Variants in ANO4 observed in about 807,000 individuals in gnomAD.
ANO4 encodes anoctamin-4.
A neutral mutation model predicts 141.9 loss-of-function variants in ANO4; 69 were observed. That is an observed-to-expected ratio of 0.49 (90% confidence interval 0.40 to 0.59). The LOEUF (loss-of-function observed/expected upper bound fraction) is 0.59, where lower values mean the gene tolerates loss of function less well. Among genes scored for constraint, ANO4 ranks in the 20% least tolerant of loss-of-function variants. The pLI is 0.00. For synonymous variants in ANO4, 350 were observed against 394.3 expected (o/e 0.89, Z 1.33); for missense variants, 894 against 1,162.2 (o/e 0.77, Z 3.36).
intron 9 of ANO4, among the ~76,000 whole-genome samples, chr12:101,035,417 T>C (rs1352510092): frequency 1.3e-5 from 2 of 152,174 alleles, no homozygotes; most frequent in Non-Finnish European, 2.9e-5. Context: ...TGATAAAACT[T>C]TGGAGGCAAT....
At chr12:101,047,575 C>G (rs2136654734) in intron 13 of ANO4, among the ~76,000 whole-genome samples, 1 of 151,948 alleles carries the variant, frequency 6.6e-6, no homozygotes, top group East Asian at 1.9e-4. Flanking sequence ...TATAAAGTAC[C>G]CCCAAAAAAG....
chr12:101,065,216 T>C (rs1049120745), intron 14 of ANO4, among the ~76,000 whole-genome samples: 3 of 152,124 alleles, frequency 2.0e-5, no homozygotes, highest in Non-Finnish European at 4.4e-5. Flanking sequence ...CTTCTATGCA[T>C]GAAATTGTGA....
intron 7 of ANO4, among the ~76,000 whole-genome samples, chr12:100,978,885 C>A (rs946332028): frequency 6.6e-6 from 1 of 152,084 alleles, no homozygotes; most frequent in Non-Finnish European, 1.5e-5. Context: ...CAGTAGATTT[C>A]TTAGGTGTTG....
At chr12:101,037,237 T>C (rs2047235878) in intron 10 of ANO4, 87 bp downstream of exon 10, 1 of 1,391,860 alleles carries the variant, frequency 7.2e-7, no homozygotes. Context: ...TTGAATTTGT[T>C]GACATTTGCT....
In ANO4 at chr12:101,040,066, G is replaced by A; in HGVS notation, c.1009G>A (p.Asp337Asn). 1 of 1,607,318 alleles carries A rather than the reference G, an allele frequency of 6.2e-7. No individual in the cohort carries two copies. The highest frequency in any genetic ancestry group is 8.5e-7 in the Non-Finnish European group (1 of 1,175,434). Reference protein sequence around the residue: ...WGVWYKYQPLDLVRRYFGEKI... With the variant: ...WGVWYKYQPLNLVRRYFGEKI... ...CGTGTGGTATAAATACCAACCTTTG[G>A]ATCTTGTAAGGTGAGTTTTTAATCA... The change falls in exon 11 of 28, where the codon GAT becomes AAT. Residue 337 changes from aspartate (D) to asparagine (N), a missense_variant. Physicochemically the swap from Asp to Asn is conservative, Grantham distance 23. Coordinates refer to ENST00000392977, the MANE Select transcript of ANO4 (RefSeq NM_001286615.2).
chr12:100,769,158 A>G (rs1256735278), intron 3 of ANO4, among the ~76,000 whole-genome samples: 1 of 152,232 alleles, frequency 6.6e-6, no homozygotes, highest in Non-Finnish European at 1.5e-5. Flanking sequence ...GATTTTTGAA[A>G]TCATTTTTTG....
At chr12:100,823,830 C>A (rs2036186078) in intron 1 of ANO4, among the ~76,000 whole-genome samples, 1 of 151,952 alleles carries the variant, frequency 6.6e-6, no homozygotes, top group Non-Finnish European at 1.5e-5. Flanking sequence ...GGAGAAGGAG[C>A]TATTATCTAT....
intron 1 of ANO4, among the ~76,000 whole-genome samples, chr12:100,726,926 A>C (rs1243914905): frequency 6.6e-6 from 1 of 152,054 alleles, no homozygotes; most frequent in East Asian, 1.9e-4. Flanking sequence ...CACACAGAAA[A>C]GTGCAGATAA....
chr12:100,876,455 T>C (rs1430875984), intron 1 of ANO4, among the ~76,000 whole-genome samples: 1 of 152,150 alleles, frequency 6.6e-6, no homozygotes, highest in East Asian at 1.9e-4. Context: ...AATGGGATGA[T>C]AGCTGGAAGG....
At chr12:101,069,358 A>G in intron 14 of ANO4, 1 of 588,920 alleles carries the variant, frequency 1.7e-6, no homozygotes, top group East Asian at 2.9e-5. Context: ...GTGAATAAAT[A>G]TTTTGATTTC....
chr12:100,876,865 AT>A (rs1430652402), intron 1 of ANO4, among the ~76,000 whole-genome samples: 1 of 152,192 alleles, frequency 6.6e-6, no homozygotes, highest in Non-Finnish European at 1.5e-5. Flanking sequence ...GCTATGTAAT[AT>A]GTTTTGAAAT....
chr12:100,882,529 C>T (rs1007072226), intron 1 of ANO4, among the ~76,000 whole-genome samples: 3 of 152,000 alleles, frequency 2.0e-5, no homozygotes, highest in Admixed American at 2.0e-4. Context: ...CAGTCTGGCT[C>T]CTGAGTTCAT....
At chr12:100,898,059 C>T (rs2040425943) in intron 1 of ANO4, among the ~76,000 whole-genome samples, 1 of 152,204 alleles carries the variant, frequency 6.6e-6, no homozygotes, top group Admixed American at 6.5e-5. Flanking sequence ...TGTTGTGTGA[C>T]CTTGGTCAAG....
At chr12:101,056,289 T>C (rs940520754) in intron 14 of ANO4, among the ~76,000 whole-genome samples, 2 of 152,180 alleles carry the variant, frequency 1.3e-5, no homozygotes, top group Non-Finnish European at 2.9e-5. Flanking sequence ...TGTCTTATTA[T>C]TTTCAATGTA....
At chr12:100,957,554 A>G (rs1020705949) in intron 5 of ANO4, among the ~76,000 whole-genome samples, 8 of 152,226 alleles carry the variant, frequency 5.3e-5, no homozygotes, top group African/African-American at 1.9e-4. Context: ...GACTGTGATA[A>G]TAAGCCTGCT....
At position 101,128,031 on chromosome 12, in the gene ANO4, G is replaced by A. The variant is rs1005378133; in HGVS notation, c.*175G>A. 6 of 152,640 alleles carry A rather than the reference G, an allele frequency of 3.9e-5. No individual in the cohort carries two copies. The highest frequency in any genetic ancestry group is 1.4e-4 in the African/African-American group (6 of 41,460). 9.5% of individuals were successfully genotyped at this position (152,640 alleles called of 1,614,324 possible). On this transcript the variant is annotated 3_prime_UTR_variant, in exon 28 of 28. Transcript: ENST00000392977. Reference sequence around the variant, plus strand: ...GGACTGGCGTTGGAGTCACACTGCTGTGAAATCACGTTGCAGTCCAGCGCA... The same window carrying A: ...GGACTGGCGTTGGAGTCACACTGCTATGAAATCACGTTGCAGTCCAGCGCA...
chr12:101,089,331 G>T (rs774463969), intron 17 of ANO4, among the ~76,000 whole-genome samples: 2 of 151,828 alleles, frequency 1.3e-5, no homozygotes, highest in African/African-American at 2.4e-5. Flanking sequence ...TATTATTTTA[G>T]GAAAAAAGTT....
At chr12:100,767,347 C>T (rs1372144363) in intron 3 of ANO4, among the ~76,000 whole-genome samples, 1 of 151,848 alleles carries the variant, frequency 6.6e-6, no homozygotes, top group Non-Finnish European at 1.5e-5. Context: ...ACTTTGATTC[C>T]TTTTTTCATG....
intron 14 of ANO4, among the ~76,000 whole-genome samples, chr12:101,064,522 G>A (rs542875153): frequency 6.6e-6 from 1 of 152,176 alleles, no homozygotes; most frequent in East Asian, 1.9e-4. Flanking sequence ...GTTGATGGGT[G>A]GGAGGCTAGG....
Sources: gnomAD v4.1 joint callset for allele counts (sites outside exome capture counted in the v4.1 genomes callset) on GRCh38, gnomAD v4.1.1 for gene constraint, MANE v1.5 for transcripts, NCBI Gene and HGNC (gene_info 2026-07-23, HGNC 2026-07-21) for gene names.